Variants in CEP78 observed in about 807,000 individuals in gnomAD.
CEP78 encodes the protein centrosomal protein of 78 kDa.
In CEP78, 76 loss-of-function variants were observed where a neutral mutation model predicts 81.2. The observed-to-expected ratio is 0.94, with a 90% CI of 0.78 to 1.13. The LOEUF (loss-of-function observed/expected upper bound fraction) is 1.13. Among genes scored for constraint, CEP78 ranks in the 50% most tolerant of loss-of-function variants. The probability of loss-of-function intolerance (pLI) is 0.00; values close to 1 mark genes in which losing one functional copy is unlikely to be tolerated. For missense variants in CEP78, 918 were observed against 846.8 expected, an observed-to-expected ratio of 1.08 and a Z score of -1.04; for synonymous variants, 293 against 301.4, an observed-to-expected ratio of 0.97 and a Z score of 0.29.
Position 78,276,385 on chromosome 9 carries a change from T to C in CEP78, c.*5534T>C, listed in dbSNP as rs1286288327. 6.6e-6 allele frequency: 1 copy of C among 152,176 alleles called. No homozygotes were observed. Among genetic ancestry groups the C allele is most frequent in the Non-Finnish European group, 1.5e-5 (1 of 68,034 alleles). 9.4% of individuals were successfully genotyped at this position (152,176 alleles called of 1,614,324 possible). Reference sequence around the variant, plus strand: ...GCTTCTTGGCTTCATTAAATATACCTAACAGAAATCCACAGGAAACAAACT... The same window carrying C: ...GCTTCTTGGCTTCATTAAATATACCCAACAGAAATCCACAGGAAACAAACT... On this transcript the variant is annotated 3_prime_UTR_variant, in exon 17 of 17. Transcript: ENST00000643273.
At chr9:78,270,330 G>T (rs1295462743) in intron 16 of CEP78, among the ~76,000 whole-genome samples, 1 of 152,068 alleles carries the variant, frequency 6.6e-6, no homozygotes, top group African/African-American at 2.4e-5. Flanking sequence ...TATAAATGTG[G>T]ATATTTTGCT....
Position 78,270,371 on chromosome 9 carries a change from T to A in CEP78, c.2108-470T>A, listed in dbSNP as rs537021617. Among the ~76,000 whole-genome samples, 6 of 152,350 alleles carry A rather than the reference T, an allele frequency of 3.9e-5. No homozygotes were observed. In the East Asian group the frequency reaches 1.2e-3, roughly 29 times the overall value. On this transcript the variant is annotated intron_variant, in intron 16 of 16. Coordinates refer to ENST00000643273, the MANE Select transcript of CEP78 (RefSeq NM_001330691.3). Reference sequence around the variant, plus strand: ...ATATATACAATTTTAGCCCTGCAAGTAATTGTTAAACTTTCAATATACCTG... The same window carrying A: ...ATATATACAATTTTAGCCCTGCAAGAAATTGTTAAACTTTCAATATACCTG...
chr9:78,239,325 CT>C (rs1303341373), intron 1 of CEP78, among the ~76,000 whole-genome samples: 2 of 152,120 alleles, frequency 1.3e-5, no homozygotes, highest in Non-Finnish European at 2.9e-5. Context: ...TTCAAGTGAT[CT>C]TTCAAAAAGG....
chr9:78,242,866 G>A (rs1481182117), intron 4 of CEP78, among the ~76,000 whole-genome samples: 2 of 152,080 alleles, frequency 1.3e-5, no homozygotes, highest in Non-Finnish European at 2.9e-5. Flanking sequence ...GTATATTCTA[G>A]GCCTCTAAAT....
chr9:78,243,322 C>A, intron 4 of CEP78, 140 bp from the exon 5 acceptor site: 1 of 574,116 alleles, frequency 1.7e-6, no homozygotes, highest in Non-Finnish European at 2.9e-6. Flanking sequence ...ACTATTTAAT[C>A]AGTCTGTCAG....
chr9:78,247,661 G>A (rs1826557930), intron 6 of CEP78, among the ~76,000 whole-genome samples: 1 of 152,138 alleles, frequency 6.6e-6, no homozygotes, highest in African/African-American at 2.4e-5. Context: ...ACTTGGTGTG[G>A]AGAATACACT....
intron 1 of CEP78, among the ~76,000 whole-genome samples, chr9:78,237,222 C>T (rs112640374): frequency 2.0e-3 from 301 of 151,938 alleles, no homozygotes; most frequent in African/African-American, 6.5e-3. Flanking sequence ...CTCAGGTGAT[C>T]CGCCCGCTTC....
intron 7 of CEP78, 151 bp from the exon 8 acceptor site, chr9:78,248,611 G>A (rs1826609428): frequency 1.6e-6 from 1 of 610,306 alleles, no homozygotes; most frequent in Admixed American, 3.3e-5. Flanking sequence ...TTCTGTTTTT[G>A]TAAATACCGT....
chr9:78,237,224 G>A (rs1329281602), intron 1 of CEP78, among the ~76,000 whole-genome samples: 1 of 151,556 alleles, frequency 6.6e-6, no homozygotes, highest in Admixed American at 6.6e-5. Flanking sequence ...CAGGTGATCC[G>A]CCCGCTTCGG....
chr9:78,269,817 T>A (rs1388898371), intron 16 of CEP78, among the ~76,000 whole-genome samples: 3 of 152,140 alleles, frequency 2.0e-5, no homozygotes, highest in Non-Finnish European at 4.4e-5. Flanking sequence ...TTTTTTAGAC[T>A]AAGGACTTAA....
rs376190314 is a variant in CEP78, at chr9:78,248,364, T to C, written c.957+9T>C. On this transcript the variant is annotated intron_variant, in intron 7 of 16. Coordinates refer to ENST00000643273, the MANE Select transcript of CEP78 (RefSeq NM_001330691.3). ...GGAGTGCCAAATCAGAGGTATATCATGTTTTATTTCTCCAGAAAGAATTCT... is the reference window on the plus strand; with the variant it reads ...GGAGTGCCAAATCAGAGGTATATCACGTTTTATTTCTCCAGAAAGAATTCT... The C allele has an allele frequency of 5.2e-6, 8 of 1,533,422 alleles. No individual in the cohort carries two copies. In the African/African-American group the frequency reaches 1.1e-4, roughly 21 times the overall value. 95.0% of individuals were successfully genotyped at this position (1,533,422 alleles called of 1,614,324 possible).
intron 15 of CEP78, 69 bp downstream of exon 15, chr9:78,265,975 C>A: frequency 1.3e-6 from 1 of 772,332 alleles, no homozygotes; most frequent in Non-Finnish European, 2.3e-6. Flanking sequence ...ATATTATAGG[C>A]ATCATCTAGT....
intron 11 of CEP78, among the ~76,000 whole-genome samples, chr9:78,255,801 A>C (rs1826994931): frequency 1.3e-5 from 2 of 152,244 alleles, no homozygotes; most frequent in South Asian, 4.1e-4. Flanking sequence ...TTTATTACTA[A>C]GTTCCAGAGG....
intron 10 of CEP78, chr9:78,254,076 T>C (rs540146454): frequency 1.3e-5 from 2 of 152,300 alleles, no homozygotes; most frequent in South Asian, 2.1e-4. Context: ...TTTTGAAATA[T>C]TTGGAAACGT....
intron 6 of CEP78, 36 bp downstream of exon 6, chr9:78,246,818 T>A (rs777280029): frequency 8.4e-7 from 1 of 1,194,016 alleles, no homozygotes; most frequent in Non-Finnish European, 1.2e-6. Context: ...GACTAACAAA[T>A]AGCAAAAGAA....
rs534558123 is a variant in CEP78, at chr9:78,265,376, G to C, written c.1630G>C (p.Gly544Arg). 1.3e-6 allele frequency: 2 copies of C among 1,597,744 alleles called. No individual in the cohort carries two copies. The highest frequency in any genetic ancestry group is 4.5e-5 in the East Asian group (2 of 44,708). ...TCCTTTTCTTCTCTCGACCAGGCTT[G>C]GGCAGCTTGCCACAATGGCTGGGAT... is the stretch of plus-strand genomic sequence containing the variant. ...FLDLLKDAGLGQLATMAGIDQ... is the reference protein window; with the variant it reads ...FLDLLKDAGLRQLATMAGIDQ... The change falls in exon 14 of 17, where the codon GGG becomes CGG. Residue 544 changes from glycine (G) to arginine (R), a missense_variant. Coordinates refer to ENST00000643273, the MANE Select transcript of CEP78 (RefSeq NM_001330691.3).
Position 78,268,629 on chromosome 9 carries a change from G to T in CEP78, c.2107+1926G>T, listed in dbSNP as rs74772121. On this transcript the variant is annotated intron_variant, in intron 16 of 16. Coordinates refer to ENST00000643273, the MANE Select transcript of CEP78 (RefSeq NM_001330691.3). ...TCCTCTCCTACTGAAATAATTTTTAGACAAACATAAAGGAGACCCTCGCAT... is the reference window on the plus strand; with the variant it reads ...TCCTCTCCTACTGAAATAATTTTTATACAAACATAAAGGAGACCCTCGCAT... Among the ~76,000 whole-genome samples the T allele has an allele frequency of 9.8e-3, 1,478 of 151,180 alleles. 20 individuals carry two copies. Among genetic ancestry groups the T allele is most frequent in the African/African-American group, 0.034 (1,411 of 41,182 alleles).
At position 78,236,294 on chromosome 9, in the gene CEP78, T is replaced by C. The variant is rs1344046243; in HGVS notation, c.-57T>C. 2 of 1,484,968 alleles carry C rather than the reference T, an allele frequency of 1.3e-6. No homozygotes were observed. Among genetic ancestry groups the C allele is most frequent in the Non-Finnish European group, 1.8e-6 (2 of 1,105,814 alleles). The allele number at this position is 1,484,968 out of a possible 1,614,324, so 92.0% of individuals were successfully genotyped here. A position where few individuals can be genotyped will look rare whatever the true frequency, so the allele number is the denominator to read the frequency against. Reference sequence around the variant, plus strand: ...CGGCCGGGTTGCGACTCAGCGTTCTTGGGTGGGCGCGGGCGGCGTCTCCGC... The same window carrying C: ...CGGCCGGGTTGCGACTCAGCGTTCTCGGGTGGGCGCGGGCGGCGTCTCCGC... On this transcript the variant is annotated 5_prime_UTR_variant, in exon 1 of 17. Transcript: ENST00000643273.
chr9:78,255,111 A>ACCTTGT, intron 11 of CEP78, 147 bp downstream of exon 11: 1 of 529,854 alleles, frequency 1.9e-6, no homozygotes, highest in Non-Finnish European at 3.2e-6. Context: ...ATGGTTCTTT[A>ACCTTGT]TCTTAGAACA....
Sources: allele counts gnomAD v4.1 joint callset (sites outside exome capture counted in the v4.1 genomes callset), GRCh38; gene constraint gnomAD v4.1.1; transcripts MANE v1.5; gene names NCBI Gene and HGNC (gene_info 2026-07-23, HGNC 2026-07-21).